The following RABL6 variants were observed in gnomAD, a reference collection of about 807,000 sequenced individuals.
RABL6 encodes the protein rab-like protein 6.
Under a neutral mutation model 72.9 loss-of-function variants are expected in RABL6, and 28 were observed. The observed-to-expected ratio is 0.38, with a 90% CI of 0.28 to 0.53. The LOEUF (loss-of-function observed/expected upper bound fraction) is 0.53. RABL6 is among the 20% of genes least tolerant of loss of function. The pLI is 0.80. For synonymous variants in RABL6, 477 were observed against 421.2 expected (o/e 1.13, Z -1.62); for missense variants, 1,029 against 1,008.4 (o/e 1.02, Z -0.28).
intron 8 of RABL6, 178 bp from the exon 9 acceptor site, chr9:136,837,168 C>A: frequency 1.3e-6 from 1 of 769,936 alleles, no homozygotes; most frequent in East Asian, 2.7e-5. Flanking sequence ...AGCCACCGTG[C>A]CTGGCTGGCA....
chr9:136,823,587 G>A lies in RABL6; in HGVS notation c.193G>A (p.Gly65Ser). 6.2e-7 allele frequency: 1 copy of A among 1,613,842 alleles called. No individual in the cohort carries two copies. Among genetic ancestry groups the A allele is most frequent in the Non-Finnish European group, 8.5e-7 (1 of 1,179,848 alleles). ...GACAGCGCTGTGGCACCGCCTGCAG[G>A]GCCGGCCGTTCGTGGAGGAGTACAT... ...GKTALWHRLQ[G>S]RPFVEEYIPT... The change falls in exon 2 of 15, where the codon GGC becomes AGC. Residue 65 changes from glycine to serine, a missense_variant. This residue lies in a region of RABL6 where 434 missense variants were observed against 536.1 expected (regional missense o/e 0.81). Coordinates refer to ENST00000311502, the MANE Select transcript of RABL6 (RefSeq NM_024718.5).
rs780096508 is a variant in RABL6, at chr9:136,829,502, G to A, written c.458+18G>A. On this transcript the variant is annotated intron_variant, in intron 5 of 14. Transcript: ENST00000311502. ...AAGCAGTGGTAAGAGGGAGCTGGCG[G>A]GGGCAGCTGCCTGTGACTCTCACCC... 6.4e-6 allele frequency: 10 copies of A among 1,556,932 alleles called. No homozygotes were observed. The East Asian group carries it at 2.4e-4, about 37-fold the overall frequency.
At position 136,839,312 on chromosome 9, in the gene RABL6, A is replaced by C; in HGVS notation, c.1584A>C (p.Thr528=). Residue 528 remains threonine (T), a synonymous_variant, in exon 12 of 15, where the codon ACA becomes ACC. Transcript: ENST00000311502. ...GGCCAGGCGGTGTCTCTGTTCGCAC[A>C]GGTCCGGAGAAGCGCAGCAGCACCA... ...PPWPGGVSVR[T]GPEKRSSTRP... is the part of the protein sequence containing the mutation. 6.2e-7 allele frequency: 1 copy of C among 1,612,436 alleles called. No homozygotes were observed. The highest frequency in any genetic ancestry group is 8.5e-7 in the Non-Finnish European group (1 of 1,179,732).
intron 1 of RABL6, among the ~76,000 whole-genome samples, chr9:136,815,698 A>G (rs1388803268): frequency 6.6e-6 from 1 of 152,222 alleles, no homozygotes; most frequent in Non-Finnish European, 1.5e-5. Context: ...GGGCCTGGTT[A>G]GGAGTTAAAC....
At chr9:136,811,617 C>CAAA (rs775818394) in intron 1 of RABL6, among the ~76,000 whole-genome samples, 1 of 104,466 alleles carries the variant, frequency 9.6e-6, no homozygotes. Flanking sequence ...GACCCTGTCT[C>CAAA]AAAAAAAAAA....
At chr9:136,821,741 G>A (rs1318841860) in intron 1 of RABL6, 1 of 1,146,222 alleles carries the variant, frequency 8.7e-7, no homozygotes, top group Non-Finnish European at 1.1e-6. Context: ...CTCTCCACAG[G>A]CCGGGCCGCC....
Position 136,840,803 on chromosome 9 carries a change from C to G in RABL6, c.*281C>G. 1 of 1,547,528 alleles carries G rather than the reference C, an allele frequency of 6.5e-7. No individual in the cohort carries two copies. The highest frequency in any genetic ancestry group is 1.2e-5 in the South Asian group (1 of 83,984). On this transcript the variant is annotated 3_prime_UTR_variant, in exon 15 of 15. Transcript: ENST00000311502. ...TCGGGGCAGAGCCGCCAGTGTTTCT[C>G]AGGGATGTGACTGAGGCCCAGGAGG...
rs778870143 is a variant in RABL6, at chr9:136,840,403, CGGCAGCAG to C, written c.2072_2079del (p.Arg691ProfsTer13). 3 of 1,550,732 alleles carry C rather than the reference CGGCAGCAG, an allele frequency of 1.9e-6. No homozygotes were observed. The highest frequency in any genetic ancestry group is 2.6e-6 in the Non-Finnish European group (3 of 1,147,216). ...GGAGGGCAAGGAGGAGCGGCGACGGCGGCAGCAGCGGCCCCCGCGCAGCAGGGAGAGGA... is the reference window on the plus strand; with the variant it reads ...GGAGGGCAAGGAGGAGCGGCGACGGCCGGCCCCCGCGCAGCAGGGAGAGGA... On this transcript the variant is annotated frameshift_variant, in exon 15 of 15. Transcript: ENST00000311502. LOFTEE classifies it low-confidence loss of function (END_TRUNC).
chr9:136,811,368 A>T (rs1442065745), intron 1 of RABL6, among the ~76,000 whole-genome samples: 2 of 152,130 alleles, frequency 1.3e-5, no homozygotes, highest in East Asian at 3.9e-4. Flanking sequence ...CTGTAATCTC[A>T]GCACATTGAG....
In RABL6 at chr9:136,821,649, C is replaced by T. The variant is rs984805916; in HGVS notation, c.131-1876C>T. The T allele has an allele frequency of 7.1e-6, 7 of 988,296 alleles. No individual in the cohort carries two copies. The African/African-American group carries it at 8.7e-5, about 12-fold the overall frequency. 61.2% of individuals were successfully genotyped at this position (988,296 alleles called of 1,614,324 possible). ...CCGGAGGAGGGAGGGCGCCGCGGCC[C>T]GTCTCGGGCCTCCCGCCGCGCTGGG... On this transcript the variant is annotated intron_variant, in intron 1 of 14. Coordinates refer to ENST00000311502, the MANE Select transcript of RABL6 (RefSeq NM_024718.5).
In RABL6 at chr9:136,808,278, A is replaced by G; in HGVS notation, c.82A>G (p.Met28Val). The G allele has an allele frequency of 1.3e-6, 2 of 1,563,540 alleles. No individual in the cohort carries two copies. The highest frequency in any genetic ancestry group is 1.7e-6 in the Non-Finnish European group (2 of 1,156,388). ...DKNIPAGLQS[M>V]NQALQRRFAK... ...GAACATCCCCGCCGGGCTGCAGTCC[A>G]TGAACCAGGCGTTGCAGAGGCGCTT... The change falls in exon 1 of 15, where the codon ATG becomes GTG. Residue 28 changes from methionine (M) to valine (V), a missense_variant. Met to Val is a conservative substitution (Grantham distance 21, BLOSUM62 1). Transcript: ENST00000311502.
chr9:136,839,981 TGCTCCTGGCA>T, intron 13 of RABL6, 116 bp downstream of exon 13: 2 of 1,483,330 alleles, frequency 1.3e-6, no homozygotes, highest in Non-Finnish European at 1.8e-6. Context: ...TGCTGTGCCA[TGCTCCTGGCA>T]GCCCCCTGCA....
At chr9:136,821,519 G>T (rs926706332) in intron 1 of RABL6, 6 of 985,236 alleles carry the variant, frequency 6.1e-6, no homozygotes, top group Admixed American at 1.2e-4. Context: ...ATGCGTGCGC[G>T]GCCCGGGCAG....
At chr9:136,816,897 A>G (rs750792127) in intron 1 of RABL6, among the ~76,000 whole-genome samples, 4 of 152,126 alleles carry the variant, frequency 2.6e-5, no homozygotes, top group Admixed American at 6.5e-5. Context: ...TTCAAGGGAG[A>G]GAAAATAAGA....
In RABL6 at chr9:136,829,325, A is replaced by G. The variant is rs901006088; in HGVS notation, c.367-68A>G. On this transcript the variant is annotated intron_variant, in intron 4 of 14. Coordinates refer to ENST00000311502, the MANE Select transcript of RABL6 (RefSeq NM_024718.5). The stretch of plus-strand genomic sequence containing the variant: ...ATTAGAAGACTATCCAGCCTTTTCT[A>G]AAACTGTGGGCCACACGGGTGGGGC... 1.3e-4 allele frequency: 166 copies of G among 1,230,992 alleles called. No homozygotes were observed. In the Middle Eastern group the frequency reaches 1.5e-3, roughly 11 times the overall value. 76.3% of individuals were successfully genotyped at this position (1,230,992 alleles called of 1,614,324 possible).
intron 1 of RABL6, among the ~76,000 whole-genome samples, chr9:136,810,646 A>G (rs994730221): frequency 2.0e-5 from 3 of 152,044 alleles, no homozygotes; most frequent in African/African-American, 7.2e-5. Flanking sequence ...GGTTCACACC[A>G]TTCTCCTGCT....
In RABL6 at chr9:136,840,326, A is replaced by T; in HGVS notation, c.1994A>T (p.Glu665Val). The T allele has an allele frequency of 6.3e-7, 1 of 1,584,758 alleles. No homozygotes were observed. The highest frequency in any genetic ancestry group is 8.6e-7 in the Non-Finnish European group (1 of 1,166,108). ...CCCCATCCTTGTGCTCCTCAGGAAGAAGAAAAAGCTGCCAAGAAGAAGAGC... is the reference window on the plus strand; with the variant it reads ...CCCCATCCTTGTGCTCCTCAGGAAGTAGAAAAAGCTGCCAAGAAGAAGAGC... The part of the protein sequence containing the change: ...KKKKKKGKEE[E>V]EKAAKKKSKH... The change falls in exon 15 of 15, where the codon GAA becomes GTA. Residue 665 changes from glutamate (E) to valine (V), a missense_variant. This residue lies in a region of RABL6 where 595 missense variants were observed against 472.4 expected (regional missense o/e 1.26). Transcript: ENST00000311502.
chr9:136,829,558 G>T, intron 5 of RABL6, 74 bp downstream of exon 5: 1 of 1,296,502 alleles, frequency 7.7e-7, no homozygotes, highest in Non-Finnish European at 1.1e-6. Context: ...TCTTTGTGCA[G>T]CAGATAATGG....
rs570494000 is a variant in RABL6 at position 136,841,032 on chromosome 9, C to G, written c.*510C>G. The G allele has an allele frequency of 6.3e-6, 9 of 1,428,350 alleles. No homozygotes were observed. The African/African-American group carries it at 1.0e-4, about 16-fold the overall frequency. 88.5% of individuals were successfully genotyped at this position (1,428,350 alleles called of 1,614,324 possible). A position where few individuals can be genotyped will look rare whatever the true frequency, so the allele number is the denominator to read the frequency against. ...CCCCACGCTAGAAGGCTGGCGAGAC[C>G]GAAGGCAGCATGTGAGGCCTCTCCT... is the stretch of plus-strand genomic sequence containing the variant. On this transcript the variant is annotated 3_prime_UTR_variant, in exon 15 of 15. Coordinates refer to ENST00000311502, the MANE Select transcript of RABL6 (RefSeq NM_024718.5).
Sources: gnomAD v4.1 joint callset for allele counts (sites outside exome capture counted in the v4.1 genomes callset) on GRCh38, gnomAD v4.1.1 for gene constraint, gnomAD v4.1.1 regional missense constraint, MANE v1.5 for transcripts, NCBI Gene and HGNC (gene_info 2026-07-23, HGNC 2026-07-21) for gene names.